S100A14: variants seen among roughly 807,000 people sequenced by gnomAD.
The protein encoded by S100A14 is protein S100-A14.
S100A14 carries 6 observed loss-of-function variants against 10.6 expected under a neutral mutation model. The ratio of observed to expected loss-of-function variants is 0.57; its 90% CI spans 0.31 to 1.12. S100A14 has a LOEUF of 1.12. S100A14 is among the 50% of genes most tolerant of loss of function. S100A14 has a pLI of 0.06. For missense variants in S100A14, 121 were observed against 128.7 expected (o/e 0.94, Z 0.29); for synonymous variants, 51 against 51.0 (o/e 1.00, Z 0.00).
chr1:153,615,389 C>T lies in S100A14; in HGVS notation c.31-8G>A. Reference sequence around the variant, plus strand: ...ACTGAATTCCTGAGCATCCTGAGGGCAGGGGACATCACAAACATCAGTGAA... The same window carrying T: ...ACTGAATTCCTGAGCATCCTGAGGGTAGGGGACATCACAAACATCAGTGAA... On this transcript the variant is annotated splice_polypyrimidine_tract_variant and splice_region_variant and intron_variant, in intron 2 of 3. Coordinates refer to ENST00000344616, the MANE Select transcript of S100A14 (RefSeq NM_020672.3). 1 of 1,612,242 alleles carries T rather than the reference C, an allele frequency of 6.2e-7. No homozygotes were observed. The highest frequency in any genetic ancestry group is 8.5e-7 in the Non-Finnish European group (1 of 1,179,116).
chr1:153,615,952 G>T lies in S100A14; in HGVS notation c.-78-16C>A. 2 of 1,278,096 alleles carry T rather than the reference G, an allele frequency of 1.6e-6. No individual in the cohort carries two copies. The highest frequency in any genetic ancestry group is 2.9e-5 in the African/African-American group (2 of 69,196). 79.2% of individuals were successfully genotyped at this position (1,278,096 alleles called of 1,614,324 possible). ...GGCTCATGATCTGCTTAGAGGAGGG[G>T]GTAGGCCTGAGCTGAGGAGAGAGTC... On this transcript the variant is annotated splice_polypyrimidine_tract_variant and intron_variant, in intron 1 of 3. Transcript: ENST00000344616.
chr1:153,615,433 C>G, intron 2 of S100A14, 52 bp from the exon 3 acceptor site: 1 of 1,584,798 alleles, frequency 6.3e-7, no homozygotes, highest in East Asian at 2.2e-5. Context: ...CACCCCAAAA[C>G]CCTGCTTCTC....
At chr1:153,616,173 C>T (rs1342821209) in intron 1 of S100A14, 122 bp downstream of exon 1, 4 of 297,802 alleles carry the variant, frequency 1.3e-5, no homozygotes, top group Non-Finnish European at 2.6e-5. Context: ...CTCCTCCAAC[C>T]ACCCACCTCT....
chr1:153,615,798 G>C (rs768376134), intron 2 of S100A14, 31 bp downstream of exon 2: 151 of 1,612,592 alleles, frequency 9.4e-5, no homozygotes, highest in Non-Finnish European at 1.2e-4. Flanking sequence ...AGGAGTGTGG[G>C]AGCAGAAAGG....
intron 1 of S100A14, 58 bp from the exon 2 acceptor site, chr1:153,615,994 G>A: frequency 1.2e-6 from 1 of 825,512 alleles, no homozygotes; most frequent in Non-Finnish European, 2.0e-6. Flanking sequence ...TTCTTTCTCA[G>A]CTGCCCCCTT....
intron 3 of S100A14, 23 bp from the exon 4 acceptor site, chr1:153,615,045 G>A: frequency 6.2e-6 from 10 of 1,612,158 alleles, no homozygotes; most frequent in Middle Eastern, 1.7e-4. Context: ...AAGAAACCAT[G>A]GCTCAGGGAT....
At chr1:153,615,758 G>C in intron 2 of S100A14, 71 bp downstream of exon 2, 2 of 1,524,248 alleles carry the variant, frequency 1.3e-6, no homozygotes, top group African/African-American at 1.4e-5. Context: ...AGAAGTCAGT[G>C]GGGGGACATA....
Position 153,614,606 on chromosome 1 carries a change from CT to C in S100A14, c.*278del. 1 of 372,732 alleles carries C rather than the reference CT, an allele frequency of 2.7e-6. No individual in the cohort carries two copies. The highest frequency in any genetic ancestry group is 4.8e-6 in the Non-Finnish European group (1 of 206,702). The allele number at this position is 372,732 out of a possible 1,614,324, so 23.1% of individuals were successfully genotyped here. A position where few individuals can be genotyped will look rare whatever the true frequency, so the allele number is the denominator to read the frequency against. On this transcript the variant is annotated 3_prime_UTR_variant, in exon 4 of 4. Coordinates refer to ENST00000344616, the MANE Select transcript of S100A14 (RefSeq NM_020672.3). ...AGCCCAGCTCCTCTCTGTTCTCCCC[CT>C]ACTACCAATTCTTTGGCTCTTACAC...
In S100A14 at chr1:153,615,845, C is replaced by T. The variant is rs146757822; in HGVS notation, c.14G>A (p.Arg5Gln). The T allele has an allele frequency of 7.6e-5, 123 of 1,613,960 alleles. No individual in the cohort carries two copies. In the South Asian group the frequency reaches 9.7e-4, roughly 13 times the overall value. The change falls in exon 2 of 4, where the codon CGG (arginine) becomes CAG (glutamine). Residue 5 changes from arginine to glutamine, a missense_variant. Arg to Gln is a conservative substitution (Grantham distance 43, BLOSUM62 1). Transcript: ENST00000344616. ...TGAGCCCACCTCTGCGTTGGCTGAC[C>T]GACACTGTCCCATGGTGCCCACTGT... Reference protein sequence around the residue: MGQCRSANAEDAQEF... With the variant: MGQCQSANAEDAQEF...
intron 2 of S100A14, 149 bp from the exon 3 acceptor site, chr1:153,615,530 TC>T: frequency 3.1e-6 from 3 of 965,982 alleles, no homozygotes; most frequent in Non-Finnish European, 4.5e-6. Flanking sequence ...CTAGCCCCTC[TC>T]CCCCACCCCC....
rs1022523883 is a variant in S100A14 at position 153,614,863 on chromosome 1, C to G, written c.*22G>C. On this transcript the variant is annotated 3_prime_UTR_variant, in exon 4 of 4. Coordinates refer to ENST00000344616, the MANE Select transcript of S100A14 (RefSeq NM_020672.3). The stretch of plus-strand genomic sequence containing the variant: ...GCCCACAGTCTCTCCCCAACACCCC[C>G]CAAGAATTCCAGAGGGAGTTCTCAG... 7 of 1,610,876 alleles carry G rather than the reference C, an allele frequency of 4.3e-6. No individual in the cohort carries two copies. In the African/African-American group the frequency reaches 8.0e-5, roughly 18 times the overall value.
Position 153,614,278 on chromosome 1 carries a change from A to G in S100A14, c.*607T>C, listed in dbSNP as rs1666907000. On this transcript the variant is annotated 3_prime_UTR_variant, in exon 4 of 4. Coordinates refer to ENST00000344616, the MANE Select transcript of S100A14 (RefSeq NM_020672.3). ...TGTTTCACTTTTTTCATTTTTTTTT[A>G]TTAATCAAATGATACAAAACAACCA... The G allele has an allele frequency of 6.6e-6, 1 of 151,576 alleles. No individual in the cohort carries two copies. The highest frequency in any genetic ancestry group is 2.1e-4 in the South Asian group (1 of 4,804). 9.4% of individuals were successfully genotyped at this position (151,576 alleles called of 1,614,324 possible). A position where few individuals can be genotyped will look rare whatever the true frequency, so the allele number is the denominator to read the frequency against.
At chr1:153,615,144 G>A (rs1666933453) in intron 3 of S100A14, 91 bp downstream of exon 3, 1 of 1,586,496 alleles carries the variant, frequency 6.3e-7, no homozygotes, top group Non-Finnish European at 8.6e-7. Flanking sequence ...GGGAAGAGCT[G>A]GGGGTTGCAA....
At position 153,614,529 on chromosome 1, in the gene S100A14, G is replaced by A. The variant is rs1666914844; in HGVS notation, c.*356C>T. 5.2e-6 allele frequency: 1 copy of A among 194,012 alleles called. No homozygotes were observed. The highest frequency in any genetic ancestry group is 5.3e-5 in the Admixed American group (1 of 18,838). The allele number at this position is 194,012 out of a possible 1,614,324, so 12.0% of individuals were successfully genotyped here. A position where few individuals can be genotyped will look rare whatever the true frequency, so the allele number is the denominator to read the frequency against. ...GTAGGTTCTTAAAGACCCTTTTTTAGTACCAGATATCCAGCCATATTCCCA... is the reference window on the plus strand; with the variant it reads ...GTAGGTTCTTAAAGACCCTTTTTTAATACCAGATATCCAGCCATATTCCCA... On this transcript the variant is annotated 3_prime_UTR_variant, in exon 4 of 4. Coordinates refer to ENST00000344616, the MANE Select transcript of S100A14 (RefSeq NM_020672.3).
intron 2 of S100A14, 69 bp from the exon 3 acceptor site, chr1:153,615,450 C>T: frequency 2.6e-6 from 4 of 1,552,450 alleles, no homozygotes; most frequent in Non-Finnish European, 3.5e-6. Context: ...TCTCCAGGAG[C>T]CTAGCAAAGC....
chr1:153,614,897 G>GA lies in S100A14; in HGVS notation c.302dup (p.Arg102ProfsTer111), dbSNP rs1169169263. The GA allele has an allele frequency of 6.2e-7, 1 of 1,613,678 alleles. No individual in the cohort carries two copies. The highest frequency in any genetic ancestry group is 8.5e-7 in the Non-Finnish European group (1 of 1,179,866). On this transcript the variant is annotated frameshift_variant, in exon 4 of 4. Coordinates refer to ENST00000344616, the MANE Select transcript of S100A14 (RefSeq NM_020672.3). LOFTEE classifies it high-confidence loss of function. ...CCAGAGGGAGTTCTCAGTGCCCCCG[G>GA]ACAGGCCTCTCCAGCTTCACACTCT...
rs1410043501 is a variant in S100A14 at position 153,614,947 on chromosome 1, A to G, written c.253T>C (p.Trp85Arg). Residue 85 changes from tryptophan to arginine, a missense_variant, in exon 4 of 4, where the codon TGG becomes CGG. Coordinates refer to ENST00000344616, the MANE Select transcript of S100A14 (RefSeq NM_020672.3). ...TTGGCCGCTTCTCCAATCAGCTCCC[A>G]GAAACTCCTGAACTCCAGTTTAGAG... ...NDSKLEFRSFWELIGEAAKSV... is the reference protein window; with the variant it reads ...NDSKLEFRSFRELIGEAAKSV... 2 of 1,613,864 alleles carry G rather than the reference A, an allele frequency of 1.2e-6. No individual in the cohort carries two copies. Among genetic ancestry groups the G allele is most frequent in the Non-Finnish European group, 1.7e-6 (2 of 1,179,994 alleles).
chr1:153,614,685 C>A lies in S100A14; in HGVS notation c.*200G>T. 1.8e-6 allele frequency: 1 copy of A among 570,256 alleles called. No homozygotes were observed. The allele number at this position is 570,256 out of a possible 1,614,324, so 35.3% of individuals were successfully genotyped here. A position where few individuals can be genotyped will look rare whatever the true frequency, so the allele number is the denominator to read the frequency against. On this transcript the variant is annotated 3_prime_UTR_variant, in exon 4 of 4. Transcript: ENST00000344616. The stretch of plus-strand genomic sequence containing the variant: ...TGGCCCAACCAGTCCCCTGAGCCTC[C>A]CTCTGGTGGAGACTCCTCCACCCAT...
chr1:153,614,800 T>G lies in S100A14; in HGVS notation c.*85A>C. ...AGATGAGGACAGGTGCAGGCTAGGG[T>G]ACAGGGTGGTGGTAGAGGAGACAAG... On this transcript the variant is annotated 3_prime_UTR_variant, in exon 4 of 4. Transcript: ENST00000344616. 6.7e-7 allele frequency: 1 copy of G among 1,501,584 alleles called. No individual in the cohort carries two copies. The allele number at this position is 1,501,584 out of a possible 1,614,324, so 93.0% of individuals were successfully genotyped here.
Sources: allele counts gnomAD v4.1 joint callset, GRCh38; gene constraint gnomAD v4.1.1; transcripts MANE v1.5; gene names NCBI Gene and HGNC (gene_info 2026-07-23, HGNC 2026-07-21).